SNX9: variants seen among roughly 807,000 people sequenced by gnomAD.
The protein encoded by SNX9 is sorting nexin 9, also known as sorting nexin-9.
A neutral mutation model predicts 89.4 loss-of-function variants in SNX9; 44 were observed. The observed-to-expected ratio is 0.49, with a 90% CI of 0.39 to 0.63. SNX9 has a LOEUF of 0.63. SNX9 is among the 30% of genes least tolerant of loss of function. The pLI, the probability that SNX9 is intolerant of heterozygous loss-of-function variation, is 0.00. For synonymous variants in SNX9, 236 were observed against 247.8 expected (o/e 0.95, Z 0.45); for missense variants, 578 against 736.1 (o/e 0.79, Z 2.49).
rs16900509 is a variant in SNX9 at position 157,921,340 on chromosome 6, C to T, written c.950-191C>T. On this transcript the variant is annotated intron_variant, in intron 9 of 17. Transcript: ENST00000392185. ...AAAAACTGAAGTCTGTTGCATCTTA[C>T]CTGTGGGCCTTTGAGCATTCGTTGT... Among the ~76,000 whole-genome samples the T allele has an allele frequency of 9.2e-3, 1,407 of 152,278 alleles. 16 individuals carry two copies. The highest frequency in any genetic ancestry group is 0.032 in the African/African-American group (1,346 of 41,542).
intron 1 of SNX9, among the ~76,000 whole-genome samples, chr6:157,850,075 AG>A (rs1028756282): frequency 6.6e-6 from 1 of 152,188 alleles, no homozygotes; most frequent in African/African-American, 2.4e-5. Flanking sequence ...GTGGAAAGGA[AG>A]GAAGAAAACC....
chr6:157,925,529 A>G (rs1359384078), intron 10 of SNX9, among the ~76,000 whole-genome samples: 1 of 152,094 alleles, frequency 6.6e-6, no homozygotes, highest in East Asian at 1.9e-4. Context: ...ACATCTACAT[A>G]ACAGCTTCAT....
At chr6:157,923,275 A>G (rs1345338355) in intron 10 of SNX9, among the ~76,000 whole-genome samples, 1 of 152,216 alleles carries the variant, frequency 6.6e-6, no homozygotes, top group Non-Finnish European at 1.5e-5. Context: ...CATAGAAACT[A>G]TGATTCTGTG....
At chr6:157,914,991 T>G (rs1291987105) in intron 9 of SNX9, among the ~76,000 whole-genome samples, 2 of 152,208 alleles carry the variant, frequency 1.3e-5, no homozygotes, top group Non-Finnish European at 2.9e-5. Context: ...GTAGAAGTAG[T>G]GCATTTTTTT....
intron 7 of SNX9, among the ~76,000 whole-genome samples, chr6:157,908,485 C>T (rs907656946): frequency 6.6e-6 from 1 of 152,186 alleles, no homozygotes; most frequent in South Asian, 2.1e-4. Context: ...ATAAGAGCTA[C>T]TGTCCTGCAG....
chr6:157,866,091 G>T (rs1263838297), intron 1 of SNX9, among the ~76,000 whole-genome samples: 3 of 152,132 alleles, frequency 2.0e-5, no homozygotes, highest in African/African-American at 4.8e-5. Flanking sequence ...TATTATAAAG[G>T]TATATATAAA....
intron 1 of SNX9, among the ~76,000 whole-genome samples, chr6:157,853,321 C>G (rs1781947870): frequency 6.6e-6 from 1 of 151,858 alleles, no homozygotes; most frequent in Non-Finnish European, 1.5e-5. Flanking sequence ...ATTCTTTGTT[C>G]CACTGTATGT....
At position 157,867,569 on chromosome 6, in the gene SNX9, C is replaced by T. The variant is rs1165197348; in HGVS notation, c.35C>T (p.Ala12Val). 1.2e-6 allele frequency: 2 copies of T among 1,612,610 alleles called. No individual in the cohort carries two copies. Among genetic ancestry groups the T allele is most frequent in the Admixed American group, 1.7e-5 (1 of 59,990 alleles). ...TAGGCTCGGGTTATGTATGATTTTGCTGCTGAACCTGGAAATAATGAACTG... is the reference window on the plus strand; with the variant it reads ...TAGGCTCGGGTTATGTATGATTTTGTTGCTGAACCTGGAAATAATGAACTG... ...ATKARVMYDF[A>V]AEPGNNELTV... The change falls in exon 2 of 18, where the codon GCT becomes GTT. Residue 12 changes from alanine to valine, a missense_variant. Coordinates refer to ENST00000392185, the MANE Select transcript of SNX9 (RefSeq NM_016224.5).
intron 9 of SNX9, among the ~76,000 whole-genome samples, chr6:157,913,627 C>T (rs936539257): frequency 6.6e-6 from 1 of 152,300 alleles, no homozygotes; most frequent in East Asian, 1.9e-4. Flanking sequence ...AGAACAGCTC[C>T]GTCACCTCCC....
intron 1 of SNX9, among the ~76,000 whole-genome samples, chr6:157,827,512 A>C (rs867213627): frequency 2.2e-4 from 4 of 18,322 alleles, no homozygotes; most frequent in East Asian, 1.7e-3. Flanking sequence ...ATAATATATA[A>C]ACATATAGTT....
At chr6:157,926,967 C>A in intron 10 of SNX9, 144 bp from the exon 11 acceptor site, 1 of 616,388 alleles carries the variant, frequency 1.6e-6, no homozygotes, top group Non-Finnish European at 2.9e-6. Flanking sequence ...GTATTTAGTC[C>A]ATGGTGCAGA....
At chr6:157,887,247 G>A (rs573896946) in intron 4 of SNX9, among the ~76,000 whole-genome samples, 11 of 152,142 alleles carry the variant, frequency 7.2e-5, no homozygotes, top group Non-Finnish European at 1.3e-4. Flanking sequence ...CCCCTTTCCT[G>A]AAACAAATCC....
chr6:157,938,584 G>A, intron 15 of SNX9, 49 bp from the exon 16 acceptor site: 1 of 1,224,686 alleles, frequency 8.2e-7, no homozygotes, highest in Non-Finnish European at 1.2e-6. Context: ...TTAAACTAAT[G>A]ACTAATCATT....
chr6:157,930,142 C>T (rs1783779222), intron 12 of SNX9, among the ~76,000 whole-genome samples: 1 of 152,180 alleles, frequency 6.6e-6, no homozygotes, highest in African/African-American at 2.4e-5. Context: ...CCAATAACTA[C>T]CTCTGCCTCT....
chr6:157,839,908 C>T (rs1039690618), intron 1 of SNX9, among the ~76,000 whole-genome samples: 3 of 152,210 alleles, frequency 2.0e-5, no homozygotes, highest in Admixed American at 6.5e-5. Context: ...AAAGCTCAGA[C>T]CTTTCTGTCT....
intron 10 of SNX9, 56 bp from the exon 11 acceptor site, chr6:157,927,055 T>C: frequency 7.2e-7 from 1 of 1,390,636 alleles, no homozygotes; most frequent in Non-Finnish European, 1.0e-6. Flanking sequence ...TTGGGAATTT[T>C]GAAGACCAGT....
At chr6:157,886,005 CCTT>C (rs552049014) in intron 4 of SNX9, among the ~76,000 whole-genome samples, 141 of 152,318 alleles carry the variant, frequency 9.3e-4, no homozygotes, top group African/African-American at 2.9e-3. Flanking sequence ...ACCTAGCCCT[CCTT>C]CGAGGCCTGA....
intron 4 of SNX9, chr6:157,885,001 A>G (rs1447268600): frequency 1.3e-5 from 2 of 152,176 alleles, no homozygotes; most frequent in African/African-American, 4.8e-5. Context: ...TTATTTGCTG[A>G]TTGTAGCGCC....
intron 5 of SNX9, among the ~76,000 whole-genome samples, chr6:157,899,904 T>C (rs1028070401): frequency 2.6e-5 from 4 of 152,052 alleles, no homozygotes; most frequent in Non-Finnish European, 5.9e-5. Flanking sequence ...TGTGTGTGTG[T>C]GCGCGTGTAT....
Sources: allele counts gnomAD v4.1 joint callset (sites outside exome capture counted in the v4.1 genomes callset), GRCh38; gene constraint gnomAD v4.1.1; transcripts MANE v1.5; gene names NCBI Gene and HGNC (gene_info 2026-07-23, HGNC 2026-07-21).